The following ACTN4 variants were observed in gnomAD, a reference collection of about 807,000 sequenced individuals.
The protein encoded by ACTN4 is alpha-actinin-4.
In ACTN4, 18 loss-of-function variants were observed where a neutral mutation model predicts 114.2. That is an observed-to-expected ratio of 0.16 (90% CI 0.11 to 0.23). The LOEUF (loss-of-function observed/expected upper bound fraction) is 0.23. ACTN4 is among the 10% of genes least tolerant of loss of function. ACTN4 has a pLI of 1.00. For missense variants in ACTN4, 722 were observed against 1,262.9 expected (o/e 0.57, Z 6.49); for synonymous variants, 515 against 506.3 (o/e 1.02, Z -0.23).
chr19:38,657,127 C>T (rs1352588886), intron 1 of ACTN4, among the ~76,000 whole-genome samples: 1 of 151,622 alleles, frequency 6.6e-6, no homozygotes, highest in Non-Finnish European at 1.5e-5. Flanking sequence ...GTGTGCACCA[C>T]CATGGCCAGC....
At chr19:38,675,018 G>T (rs549152142) in intron 1 of ACTN4, among the ~76,000 whole-genome samples, 1 of 152,214 alleles carries the variant, frequency 6.6e-6, no homozygotes, top group African/African-American at 2.4e-5. Context: ...CTAAACAGCC[G>T]TGTGGAGTTG....
At position 38,647,965 on chromosome 19, in the gene ACTN4, G is replaced by C; in HGVS notation, c.162+58G>C. On this transcript the variant is annotated intron_variant, in intron 1 of 20. Transcript: ENST00000252699. ...GGCTTTTCTGAGGGGGCCCGGGGAG[G>C]GGTGGGAGGTCCTGAAAGGTAACTG... 4.3e-6 allele frequency: 6 copies of C among 1,409,966 alleles called. No individual in the cohort carries two copies. In the South Asian group the frequency reaches 9.0e-5, roughly 21 times the overall value. The allele number at this position is 1,409,966 out of a possible 1,614,324, so 87.3% of individuals were successfully genotyped here. A position where few individuals can be genotyped will look rare whatever the true frequency, so the allele number is the denominator to read the frequency against.
chr19:38,711,552 GC>G (rs1179696981), intron 8 of ACTN4, among the ~76,000 whole-genome samples: 1 of 152,254 alleles, frequency 6.6e-6, no homozygotes, highest in African/African-American at 2.4e-5. Context: ...CCGGTGCTGG[GC>G]CTGTGCTGAG....
At chr19:38,680,220 T>G (rs1464369743) in intron 1 of ACTN4, among the ~76,000 whole-genome samples, 419 of 24,304 alleles carry the variant, frequency 0.017, 1 homozygote, top group African/African-American at 0.03. Flanking sequence ...AAGTTTTTTT[T>G]TTTTTTTTTT....
chr19:38,717,285 C>A lies in ACTN4; in HGVS notation c.1112C>A (p.Ala371Asp), dbSNP rs930283839. ...QTKLRLSNRPAFMPSEGKMVS... is the reference protein window; with the variant it reads ...QTKLRLSNRPDFMPSEGKMVS... ...AAGCTGCGCCTCAGCAACCGGCCCGCCTTCATGCCCTCCGAGGGCAAGATG... is the reference window on the plus strand; with the variant it reads ...AAGCTGCGCCTCAGCAACCGGCCCGACTTCATGCCCTCCGAGGGCAAGATG... Residue 371 changes from alanine to aspartate, a missense_variant, in exon 10 of 21, where the codon GCC becomes GAC. Ala to Asp is a moderately radical substitution (Grantham distance 126). Around this residue, in one of 3 missense-constraint regions of ACTN4, gnomAD observed 523 missense variants for 875.9 expected, o/e 0.60. Coordinates refer to ENST00000252699, the MANE Select transcript of ACTN4 (RefSeq NM_004924.6). This position sits in a 1 kb window ranked among gnomAD's most constrained non-coding sequence, Gnocchi z 4.0. The A allele has an allele frequency of 1.2e-6, 2 of 1,613,980 alleles. No individual in the cohort carries two copies. Among genetic ancestry groups the A allele is most frequent in the African/African-American group, 2.7e-5 (2 of 74,920 alleles).
intron 1 of ACTN4, among the ~76,000 whole-genome samples, chr19:38,695,672 A>T (rs1163378915): frequency 2.6e-5 from 4 of 151,920 alleles, no homozygotes; most frequent in Non-Finnish European, 5.9e-5. Context: ...TCCTTCTCGG[A>T]GTGGGCTCTG....
chr19:38,702,619 C>A (rs1338450338), intron 3 of ACTN4, among the ~76,000 whole-genome samples: 1 of 152,228 alleles, frequency 6.6e-6, no homozygotes, highest in African/African-American at 2.4e-5. Context: ...AATAGATTTC[C>A]TGAGGCTCGA....
intron 1 of ACTN4, among the ~76,000 whole-genome samples, chr19:38,653,539 T>C (rs1271339685): frequency 6.6e-6 from 1 of 152,210 alleles, no homozygotes; most frequent in East Asian, 1.9e-4. Flanking sequence ...GTTTTCTGAA[T>C]AGCTGAAATA....
intron 1 of ACTN4, among the ~76,000 whole-genome samples, chr19:38,670,978 A>T (rs1390319156): frequency 6.6e-6 from 1 of 150,794 alleles, no homozygotes; most frequent in African/African-American, 2.4e-5. Context: ...GGGTGTGAAG[A>T]GCTACCCATT....
chr19:38,691,082 G>C (rs937644619), intron 1 of ACTN4, among the ~76,000 whole-genome samples: 1 of 152,156 alleles, frequency 6.6e-6, no homozygotes, highest in Admixed American at 6.5e-5. Flanking sequence ...TATGAACAAA[G>C]AACATAGTTT....
intron 1 of ACTN4, among the ~76,000 whole-genome samples, chr19:38,692,709 T>C (rs1402531185): frequency 6.6e-6 from 1 of 152,182 alleles, no homozygotes. Flanking sequence ...GCCTGCCAGA[T>C]GGGTGATAAG....
At chr19:38,664,004 C>T (rs1314130312) in intron 1 of ACTN4, among the ~76,000 whole-genome samples, 1 of 152,234 alleles carries the variant, frequency 6.6e-6, no homozygotes, top group African/African-American at 2.4e-5. Flanking sequence ...CTCAGCCCCT[C>T]AGGGCGTGTG....
In ACTN4 at chr19:38,727,786, CCCACGTGTCCCTGG is replaced by C; in HGVS notation, c.2338-156_2338-143del. The stretch of plus-strand genomic sequence containing the variant: ...GAAAGGGGCCCGTGCCGCCCCCGAC[CCCACGTGTCCCTGG>C]CCATCTCCTTGTCCATGTTGCCTCT... On this transcript the variant is annotated intron_variant, in intron 18 of 20. Transcript: ENST00000252699. This position sits in a 1 kb window ranked among gnomAD's most constrained non-coding sequence, Gnocchi z 5.4. 1.4e-6 allele frequency: 1 copy of C among 691,818 alleles called. No homozygotes were observed. The allele number at this position is 691,818 out of a possible 1,614,324, so 42.9% of individuals were successfully genotyped here.
At chr19:38,658,691 A>G (rs1976782078) in intron 1 of ACTN4, among the ~76,000 whole-genome samples, 1 of 152,192 alleles carries the variant, frequency 6.6e-6, no homozygotes, top group Non-Finnish European at 1.5e-5. Flanking sequence ...GGAAGAGCCA[A>G]CTTGCCAGGC....
chr19:38,672,093 A>G (rs989235847), intron 1 of ACTN4, among the ~76,000 whole-genome samples: 2 of 152,044 alleles, frequency 1.3e-5, no homozygotes, highest in African/African-American at 2.4e-5. Context: ...GCTATACTAC[A>G]GCGATTAGGA....
intron 1 of ACTN4, among the ~76,000 whole-genome samples, chr19:38,685,866 A>G (rs1203654338): frequency 6.6e-6 from 1 of 152,180 alleles, no homozygotes; most frequent in Non-Finnish European, 1.5e-5. Context: ...ACCAAGCAGG[A>G]GTTTCAGTTG....
At chr19:38,669,982 G>A (rs1389561564) in intron 1 of ACTN4, among the ~76,000 whole-genome samples, 1 of 152,154 alleles carries the variant, frequency 6.6e-6, no homozygotes, top group African/African-American at 2.4e-5. Context: ...GATCTTTAGT[G>A]GAAATAGCTG....
In ACTN4 at chr19:38,726,951, C is replaced by T; in HGVS notation, c.2191-6C>T. ...GGCCCACGATCACGCCCCCGTCTTT[C>T]CGCAGCACATCCGCGTGGGCTGGGA... On this transcript the variant is annotated splice_region_variant and splice_polypyrimidine_tract_variant and intron_variant, in intron 17 of 20. Coordinates refer to ENST00000252699, the MANE Select transcript of ACTN4 (RefSeq NM_004924.6). The T allele has an allele frequency of 1.2e-6, 2 of 1,613,868 alleles. No individual in the cohort carries two copies. Among genetic ancestry groups the T allele is most frequent in the Non-Finnish European group, 8.5e-7 (1 of 1,180,012 alleles).
intron 1 of ACTN4, among the ~76,000 whole-genome samples, chr19:38,677,929 G>T (rs574190632): frequency 6.6e-6 from 1 of 152,220 alleles, no homozygotes; most frequent in South Asian, 2.1e-4. Context: ...GTTTCACCAT[G>T]TTGGCCAGGC....
Sources: gnomAD v4.1 joint callset for allele counts (sites outside exome capture counted in the v4.1 genomes callset) on GRCh38, gnomAD v4.1.1 for gene constraint, gnomAD v4.1.1 regional missense constraint, Gnocchi (gnomAD v3.1) non-coding constraint, MANE v1.5 for transcripts, NCBI Gene and HGNC (gene_info 2026-07-23, HGNC 2026-07-21) for gene names.